The following ADGRA1 variants were observed in gnomAD, a reference collection of about 807,000 sequenced individuals.
ADGRA1 encodes adhesion G protein-coupled receptor A1.
ADGRA1 carries 12 observed loss-of-function variants against 21.3 expected under a neutral mutation model. The observed-to-expected ratio is 0.56, with a 90% CI of 0.36 to 0.91. ADGRA1 has a LOEUF of 0.91. Ranked by LOEUF, ADGRA1 falls within the 40% of genes least tolerant of loss-of-function variation. The pLI is 0.01. For missense variants in ADGRA1, 790 were observed against 805.6 expected (o/e 0.98, Z 0.23); for synonymous variants, 385 against 368.8 (o/e 1.04, Z -0.50).
At chr10:133,127,096 GT>G in intron 5 of ADGRA1, 136 bp from the exon 6 acceptor site, 1 of 519,412 alleles carries the variant, frequency 1.9e-6, no homozygotes, top group Non-Finnish European at 3.3e-6. Flanking sequence ...GGGGTCGGGG[GT>G]CGGGGTTCTT....
At position 133,098,631 on chromosome 10, in the gene ADGRA1, G is replaced by GT; in HGVS notation, c.132-8dup. ...TGCTCATGTGAAACCCTCCTTTCCC[G>GT]TCCCACAGCGCCATCCGCATCAGCC... On this transcript the variant is annotated splice_polypyrimidine_tract_variant and intron_variant, in intron 3 of 6. Coordinates refer to ENST00000392607, the MANE Select transcript of ADGRA1 (RefSeq NM_001083909.3). 1.2e-6 allele frequency: 2 copies of GT among 1,605,422 alleles called. No individual in the cohort carries two copies. Among genetic ancestry groups the GT allele is most frequent in the Non-Finnish European group, 1.7e-6 (2 of 1,178,668 alleles).
chr10:133,093,166 A>G (rs750056533), intron 2 of ADGRA1: 2 of 1,596,238 alleles, frequency 1.3e-6, no homozygotes, highest in South Asian at 1.1e-5. Flanking sequence ...CTGGCCCCGG[A>G]CACCTCACCC....
At chr10:133,088,663 G>A (rs934363215) in intron 1 of ADGRA1, 45 bp from the exon 2 acceptor site, 1 of 1,182,928 alleles carries the variant, frequency 8.5e-7, no homozygotes, top group Non-Finnish European at 1.1e-6. Flanking sequence ...GCTGCCCTCC[G>A]CGGGGACCCT....
At chr10:133,114,702 C>T (rs1852124600) in intron 5 of ADGRA1, among the ~76,000 whole-genome samples, 2 of 152,210 alleles carry the variant, frequency 1.3e-5, no homozygotes, top group Non-Finnish European at 2.9e-5. Context: ...CCTCATTTCT[C>T]GGAATTCAGA....
intron 5 of ADGRA1, among the ~76,000 whole-genome samples, chr10:133,123,039 C>T (rs1852304049): frequency 6.6e-6 from 1 of 152,222 alleles, no homozygotes; most frequent in Admixed American, 6.5e-5. Flanking sequence ...CTGGCGAGAC[C>T]ACGGGGCTTT....
chr10:133,088,855 TC>T lies in ADGRA1; in HGVS notation c.-50del. On this transcript the variant is annotated 5_prime_UTR_variant, in exon 2 of 7. Transcript: ENST00000392607. ...GGGAGCAGGGCGCCACCTGATCGCC[TC>T]CCCCTGGACGCCTCCTCCAGCGGCG... 8.1e-7 allele frequency: 1 copy of T among 1,237,056 alleles called. No individual in the cohort carries two copies. The allele number at this position is 1,237,056 out of a possible 1,614,324, so 76.6% of individuals were successfully genotyped here. A position where few individuals can be genotyped will look rare whatever the true frequency, so the allele number is the denominator to read the frequency against.
intron 2 of ADGRA1, among the ~76,000 whole-genome samples, chr10:133,093,590 C>T (rs1033243014): frequency 2.6e-5 from 4 of 152,236 alleles, no homozygotes; most frequent in Admixed American, 6.5e-5. Context: ...CCTGGGCCAT[C>T]CTGCGGGCAC....
intron 5 of ADGRA1, among the ~76,000 whole-genome samples, chr10:133,104,565 G>A (rs572420910): frequency 2.6e-5 from 4 of 152,316 alleles, no homozygotes; most frequent in African/African-American, 7.2e-5. Flanking sequence ...GTGCCGAGGC[G>A]ACTGCTTCCT....
chr10:133,121,562 G>A (rs1304199595), intron 5 of ADGRA1, among the ~76,000 whole-genome samples: 6 of 147,844 alleles, frequency 4.1e-5, no homozygotes, highest in Non-Finnish European at 7.4e-5. Flanking sequence ...GAGTGTGCTT[G>A]TTTGTGTGCA....
chr10:133,108,184 G>T (rs1244926804), intron 5 of ADGRA1, among the ~76,000 whole-genome samples: 6 of 152,248 alleles, frequency 3.9e-5, no homozygotes, highest in Admixed American at 3.9e-4. Context: ...CTGCTGCCCT[G>T]CTGGTGTCTT....
intron 3 of ADGRA1, 97 bp downstream of exon 3, chr10:133,097,198 T>C (rs1851704211): frequency 6.9e-7 from 1 of 1,448,990 alleles, no homozygotes; most frequent in African/African-American, 1.4e-5. Flanking sequence ...TGCCCCCTCA[T>C]GTAGCAAGAA....
At chr10:133,123,451 C>T (rs1454642773) in intron 5 of ADGRA1, among the ~76,000 whole-genome samples, 1 of 152,180 alleles carries the variant, frequency 6.6e-6, no homozygotes, top group Non-Finnish European at 1.5e-5. Context: ...AGGTACCCGT[C>T]CTCATGCCAC....
Position 133,129,229 on chromosome 10 carries a change from C to T in ADGRA1, c.1401C>T (p.His467=). 2 of 1,549,804 alleles carry T rather than the reference C, an allele frequency of 1.3e-6. No homozygotes were observed. The highest frequency in any genetic ancestry group is 1.7e-6 in the Non-Finnish European group (2 of 1,146,912). The change falls in exon 7 of 7, where the codon CAC becomes CAT. Residue 467 remains histidine (H), a synonymous_variant. Transcript: ENST00000392607. ...PSSLDGPAGT[H]TLACCTQGDP... is the part of the protein sequence containing the mutation. ...CTCTGGATGGCCCGGCGGGGACACA[C>T]ACGCTGGCCTGCTGCACCCAGGGCG...
chr10:133,127,760 T>TGGCCCCGCCCACCCAGCGCCACC, intron 6 of ADGRA1, among the ~76,000 whole-genome samples: 1 of 79,070 alleles, frequency 1.3e-5, no homozygotes, highest in Non-Finnish European at 2.6e-5. Context: ...GCCCTCCGCC[T>TGGCCCCGCCCACCCAGCGCCACC]TGCCCCGCCC....
Position 133,128,635 on chromosome 10 carries a change from G to T in ADGRA1, c.807G>T (p.Thr269=), listed in dbSNP as rs756708439. 4 of 1,607,486 alleles carry T rather than the reference G, an allele frequency of 2.5e-6. No individual in the cohort carries two copies. The Admixed American group carries it at 6.7e-5, about 27-fold the overall frequency. Residue 269 remains threonine, a synonymous_variant, in exon 7 of 7, where the codon ACG becomes ACT. Transcript: ENST00000392607. ...AAFTLFLFTA[T]WAFGALAVSQ... is the part of the protein sequence containing the mutation. ...TCACGCTGTTCCTGTTCACGGCCACGTGGGCCTTCGGGGCGCTGGCGGTGT... is the reference window on the plus strand; with the variant it reads ...TCACGCTGTTCCTGTTCACGGCCACTTGGGCCTTCGGGGCGCTGGCGGTGT...
chr10:133,095,825 C>G (rs2135867934), intron 2 of ADGRA1: 1 of 1,579,454 alleles, frequency 6.3e-7, no homozygotes, highest in Non-Finnish European at 8.6e-7. Context: ...AGGAGGGTCC[C>G]TCTCCACTTC....
At chr10:133,088,603 G>A (rs1851543857) in intron 1 of ADGRA1, 105 bp from the exon 2 acceptor site, 1 of 673,866 alleles carries the variant, frequency 1.5e-6, no homozygotes, top group Admixed American at 4.8e-5. Flanking sequence ...CCGCGGAGGG[G>A]AGGGAGCGAC....
intron 6 of ADGRA1, among the ~76,000 whole-genome samples, 177 bp from the exon 7 acceptor site, chr10:133,128,152 T>TA (rs1227862223): frequency 6.9e-6 from 1 of 144,254 alleles, no homozygotes; most frequent in Non-Finnish European, 1.5e-5. Context: ...GTAGGGCCAA[T>TA]AGGGCCCGGT....
In ADGRA1 at chr10:133,128,399, T is replaced by C; in HGVS notation, c.571T>C (p.Cys191Arg). The C allele has an allele frequency of 6.2e-7, 1 of 1,605,396 alleles. No individual in the cohort carries two copies. The highest frequency in any genetic ancestry group is 8.5e-7 in the Non-Finnish European group (1 of 1,176,882). ...AGCCGCCATCATCACCCTGGTCACC[T>C]GTGTGTACTTCCTGGGCACCTACGT... ...GPAAIITLVT[C>R]VYFLGTYVQL... Residue 191 changes from cysteine (C) to arginine (R), a missense_variant, in exon 7 of 7, where the codon TGT (cysteine) becomes CGT (arginine). Physicochemically the swap from Cys to Arg is radical, Grantham distance 180 (BLOSUM62 -3). This residue lies in a region of ADGRA1 where 382 missense variants were observed against 415.6 expected (regional missense o/e 0.92). Coordinates refer to ENST00000392607, the MANE Select transcript of ADGRA1 (RefSeq NM_001083909.3).
Sources: allele counts gnomAD v4.1 joint callset (sites outside exome capture counted in the v4.1 genomes callset), GRCh38; gene constraint gnomAD v4.1.1; regional missense constraint gnomAD v4.1.1; transcripts MANE v1.5; gene names NCBI Gene and HGNC (gene_info 2026-07-23, HGNC 2026-07-21).